Variants in RAB6A observed in about 807,000 individuals in gnomAD.
RAB6A encodes the protein ras-related protein Rab-6A.
A neutral mutation model predicts 32.3 loss-of-function variants in RAB6A; 8 were observed. That is an observed-to-expected ratio of 0.25 (90% CI 0.15 to 0.45). The LOEUF (loss-of-function observed/expected upper bound fraction) is 0.45, where lower values mean the gene tolerates loss of function less well. Ranked by LOEUF, RAB6A falls within the 20% of genes least tolerant of loss-of-function variation. RAB6A has a pLI of 1.00. For missense variants in RAB6A, 104 were observed against 249.4 expected, an observed-to-expected ratio of 0.42 and a Z score of 3.93; for synonymous variants, 73 against 82.1, an observed-to-expected ratio of 0.89 and a Z score of 0.60.
intron 5 of RAB6A, among the ~76,000 whole-genome samples, chr11:73,711,381 A>C (rs976609256): frequency 2.6e-5 from 4 of 152,012 alleles, no homozygotes; most frequent in Non-Finnish European, 5.9e-5. Context: ...TTCACCTTGC[A>C]TTTTTTCACT....
At chr11:73,736,033 A>G (rs1946388690) in intron 1 of RAB6A, among the ~76,000 whole-genome samples, 2 of 150,990 alleles carry the variant, frequency 1.3e-5, no homozygotes, top group Non-Finnish European at 2.9e-5. Context: ...ATCGTGGCTC[A>G]CCATGGCCTC....
chr11:73,731,997 C>T (rs1165610526), intron 1 of RAB6A, among the ~76,000 whole-genome samples: 1 of 151,212 alleles, frequency 6.6e-6, no homozygotes, highest in South Asian at 2.1e-4. Context: ...CCTCGGCCTC[C>T]CAAAGTGCTG....
chr11:73,677,213 G>A lies in RAB6A; in HGVS notation c.*685C>T, dbSNP rs2134853590. 1 of 167,276 alleles carries A rather than the reference G, an allele frequency of 6.0e-6. No homozygotes were observed. Among genetic ancestry groups the A allele is most frequent in the African/African-American group, 2.4e-5 (1 of 41,560 alleles). The allele number at this position is 167,276 out of a possible 1,614,324, so 10.4% of individuals were successfully genotyped here. A position where few individuals can be genotyped will look rare whatever the true frequency, so the allele number is the denominator to read the frequency against. The stretch of plus-strand genomic sequence containing the variant: ...ATGTTCTTCTACTTCTAAGTACTCA[G>A]TATGTTCTTTAGGACTCATTTTGAA... On this transcript the variant is annotated 3_prime_UTR_variant, in exon 8 of 8. Transcript: ENST00000336083.
At position 73,737,350 on chromosome 11, in the gene RAB6A, T is replaced by C. The variant is rs889588623; in HGVS notation, c.71-6527A>G. Among the ~76,000 whole-genome samples the C allele has an allele frequency of 3.3e-5, 5 of 152,030 alleles. No individual in the cohort carries two copies. The South Asian group carries it at 1.0e-3, about 32-fold the overall frequency. ...AAATTTAAAATTTACTAGAGTGTGG[T>C]GGCATGCACCTGTAGTCCCCTACTT... On this transcript the variant is annotated intron_variant, in intron 1 of 7. Transcript: ENST00000336083.
intron 1 of RAB6A, among the ~76,000 whole-genome samples, chr11:73,758,756 T>C (rs1946798131): frequency 6.6e-6 from 1 of 152,200 alleles, no homozygotes; most frequent in South Asian, 2.1e-4. Context: ...AAGGCAATAA[T>C]ATCCTTAGAA....
At chr11:73,736,255 C>T (rs1332809242) in intron 1 of RAB6A, among the ~76,000 whole-genome samples, 1 of 147,994 alleles carries the variant, frequency 6.8e-6, no homozygotes, top group Non-Finnish European at 1.5e-5. Flanking sequence ...ATGGTGAAAC[C>T]CCATCTCTAC....
At chr11:73,743,121 C>A (rs1018076737) in intron 1 of RAB6A, among the ~76,000 whole-genome samples, 3 of 151,690 alleles carry the variant, frequency 2.0e-5, no homozygotes, top group African/African-American at 7.3e-5. Flanking sequence ...CATAGTGAAA[C>A]CCCATCTCTA....
At chr11:73,695,235 AG>A (rs1357636211) in intron 6 of RAB6A, among the ~76,000 whole-genome samples, 196 of 152,210 alleles carry the variant, frequency 1.3e-3, no homozygotes, top group Non-Finnish European at 2.3e-3. Flanking sequence ...TTTAAAAAAA[AG>A]AAAAACCTAT....
At chr11:73,755,036 C>T (rs2135019191) in intron 1 of RAB6A, among the ~76,000 whole-genome samples, 1 of 151,568 alleles carries the variant, frequency 6.6e-6, no homozygotes, top group South Asian at 2.1e-4. Flanking sequence ...GACTCTCCTG[C>T]CTCAGCCTCC....
chr11:73,732,043 T>C (rs1443644349), intron 1 of RAB6A, among the ~76,000 whole-genome samples: 4 of 151,892 alleles, frequency 2.6e-5, no homozygotes, highest in Non-Finnish European at 5.9e-5. Flanking sequence ...CTGGACTGTA[T>C]TGATATTTTT....
At chr11:73,714,209 A>AAAAAAATATAT (rs35864471) in intron 5 of RAB6A, among the ~76,000 whole-genome samples, 10 of 57,558 alleles carry the variant, frequency 1.7e-4, no homozygotes, top group Admixed American at 2.2e-4. Flanking sequence ...AAAAAAAAAA[A>AAAAAAATATAT]ATATATATAT....
intron 1 of RAB6A, among the ~76,000 whole-genome samples, chr11:73,731,305 G>GAGGC (rs1273911662): frequency 1.3e-5 from 2 of 152,066 alleles, no homozygotes; most frequent in East Asian, 3.9e-4. Context: ...AGCACCTTGG[G>GAGGC]AGGCCAACGT....
At chr11:73,709,890 TATATATACACAC>T (rs1373605575) in intron 5 of RAB6A, among the ~76,000 whole-genome samples, 5 of 147,538 alleles carry the variant, frequency 3.4e-5, no homozygotes, top group East Asian at 2.0e-4. Flanking sequence ...CATATATACA[TATATATACACAC>T]ACATATATAC....
intron 6 of RAB6A, among the ~76,000 whole-genome samples, chr11:73,692,959 A>AAAAAC (rs201171899): frequency 9.9e-4 from 150 of 150,794 alleles, no homozygotes; most frequent in African/African-American, 3.5e-3. Context: ...AGACTGTCTC[A>AAAAAC]AAAACAAAAC....
At chr11:73,713,103 A>G (rs1945991480) in intron 5 of RAB6A, among the ~76,000 whole-genome samples, 1 of 152,048 alleles carries the variant, frequency 6.6e-6, no homozygotes, top group Non-Finnish European at 1.5e-5. Context: ...TCTGTCTTGA[A>G]CCTACTGTAG....
At chr11:73,684,909 C>G (rs932442513) in intron 6 of RAB6A, among the ~76,000 whole-genome samples, 4 of 152,202 alleles carry the variant, frequency 2.6e-5, no homozygotes, top group Non-Finnish European at 4.4e-5. Context: ...GAAAGACCTT[C>G]CCTCACATCC....
chr11:73,702,959 T>G (rs1336539350), intron 6 of RAB6A, among the ~76,000 whole-genome samples: 3 of 151,972 alleles, frequency 2.0e-5, no homozygotes, highest in Non-Finnish European at 4.4e-5. Flanking sequence ...TGGGTTCAAG[T>G]GATTCTCTTG....
At chr11:73,750,639 G>A (rs977188196) in intron 1 of RAB6A, among the ~76,000 whole-genome samples, 1 of 152,110 alleles carries the variant, frequency 6.6e-6, no homozygotes, top group Admixed American at 6.5e-5. Flanking sequence ...TTACAGGCAT[G>A]AGCCCCCATA....
At chr11:73,703,623 T>C (rs1050665929) in intron 6 of RAB6A, among the ~76,000 whole-genome samples, 1 of 152,048 alleles carries the variant, frequency 6.6e-6, no homozygotes, top group African/African-American at 2.4e-5. Context: ...GCACTTATAA[T>C]CCCAGCTAGG....
Sources: allele counts gnomAD v4.1 joint callset (sites outside exome capture counted in the v4.1 genomes callset), GRCh38; gene constraint gnomAD v4.1.1; transcripts MANE v1.5; gene names NCBI Gene and HGNC (gene_info 2026-07-23, HGNC 2026-07-21).